Variants in MSRA observed in about 807,000 individuals in gnomAD.
MSRA encodes the protein methionine sulfoxide reductase A, also known as mitochondrial peptide methionine sulfoxide reductase.
In MSRA, 54 loss-of-function variants were observed where a neutral mutation model predicts 31.3. That is an observed-to-expected ratio of 1.73 (90% CI 1.39 to 2.17). The LOEUF (loss-of-function observed/expected upper bound fraction) is 2.17. MSRA is among the 30% of genes most tolerant of loss of function. The pLI is 0.00. For synonymous variants in MSRA, 169 were observed against 116.5 expected, an observed-to-expected ratio of 1.45 and a Z score of -2.90; for missense variants, 507 against 300.9, an observed-to-expected ratio of 1.69 and a Z score of -5.07.
intron 5 of MSRA, 45 bp downstream of exon 5, chr8:10,320,034 C>G (rs1801959933): frequency 7.6e-7 from 1 of 1,318,178 alleles, no homozygotes; most frequent in Non-Finnish European, 1.1e-6. Context: ...GCCACCATGA[C>G]TAGGGCCAGG....
chr8:10,111,138 G>A (rs745335083), intron 1 of MSRA, among the ~76,000 whole-genome samples: 25 of 152,074 alleles, frequency 1.6e-4, no homozygotes, highest in Non-Finnish European at 3.5e-4. Context: ...ATCCAGGGAC[G>A]GGGTGGATCA....
At chr8:10,182,887 A>G (rs1053778247) in intron 1 of MSRA, among the ~76,000 whole-genome samples, 1 of 152,184 alleles carries the variant, frequency 6.6e-6, no homozygotes, top group Non-Finnish European at 1.5e-5. Flanking sequence ...GTGAGAAGCA[A>G]GTTACTCAAG....
chr8:10,405,550 C>A (rs904227957), intron 5 of MSRA, among the ~76,000 whole-genome samples: 1 of 152,190 alleles, frequency 6.6e-6, no homozygotes, highest in Non-Finnish European at 1.5e-5. Flanking sequence ...CTGTCACTTT[C>A]CTTTCTCTGG....
chr8:10,293,503 G>C (rs142486770), intron 3 of MSRA, among the ~76,000 whole-genome samples: 1 of 152,212 alleles, frequency 6.6e-6, no homozygotes, highest in Non-Finnish European at 1.5e-5. Context: ...GCATCTCTGA[G>C]CATCTTAGCC....
chr8:10,405,092 C>T (rs1173320608), intron 5 of MSRA, among the ~76,000 whole-genome samples: 1 of 152,204 alleles, frequency 6.6e-6, no homozygotes, highest in African/African-American at 2.4e-5. Context: ...GCCACCGCTC[C>T]AGTGTCCATG....
chr8:10,210,610 A>T (rs17151349), intron 2 of MSRA, among the ~76,000 whole-genome samples: 1 of 152,242 alleles, frequency 6.6e-6, no homozygotes, highest in Non-Finnish European at 1.5e-5. Flanking sequence ...GCACAGGAGG[A>T]TGTCTTACAT....
At chr8:10,396,161 C>T (rs1369205737) in intron 5 of MSRA, among the ~76,000 whole-genome samples, 2 of 152,160 alleles carry the variant, frequency 1.3e-5, no homozygotes, top group Non-Finnish European at 2.9e-5. Flanking sequence ...GGCCACTTTC[C>T]GTGCTGCTGC....
intron 5 of MSRA, among the ~76,000 whole-genome samples, chr8:10,362,918 A>C (rs911576185): frequency 6.6e-6 from 1 of 151,732 alleles, no homozygotes; most frequent in Non-Finnish European, 1.5e-5. Context: ...AATACACTCA[A>C]CTGCTTAAAT....
At chr8:10,422,977 G>A (rs938123143) in intron 5 of MSRA, among the ~76,000 whole-genome samples, 16 of 152,216 alleles carry the variant, frequency 1.1e-4, no homozygotes, top group African/African-American at 3.9e-4. Context: ...AGGCCGGAGC[G>A]CCACTGCCCT....
At chr8:10,301,232 C>T (rs977385873) in intron 3 of MSRA, among the ~76,000 whole-genome samples, 2 of 152,150 alleles carry the variant, frequency 1.3e-5, no homozygotes, top group African/African-American at 4.8e-5. Flanking sequence ...ATAAGGTTTC[C>T]TGAGTGAGCT....
At chr8:10,160,693 C>T (rs1453270650) in intron 1 of MSRA, among the ~76,000 whole-genome samples, 3 of 152,050 alleles carry the variant, frequency 2.0e-5, no homozygotes, top group Non-Finnish European at 4.4e-5. Flanking sequence ...CCACACCTGG[C>T]TAATTTTTGT....
At chr8:10,217,815 C>G (rs1349270825) in intron 2 of MSRA, among the ~76,000 whole-genome samples, 1 of 152,136 alleles carries the variant, frequency 6.6e-6, no homozygotes, top group East Asian at 1.9e-4. Flanking sequence ...CCCCTGTTGC[C>G]TCATAAATGT....
intron 5 of MSRA, among the ~76,000 whole-genome samples, chr8:10,358,380 A>G (rs1263974691): frequency 6.6e-6 from 1 of 151,988 alleles, no homozygotes; most frequent in East Asian, 1.9e-4. Context: ...TAATCCCTCT[A>G]TTCTCTTGTT....
intron 1 of MSRA, among the ~76,000 whole-genome samples, chr8:10,131,536 C>G (rs1801897478): frequency 6.6e-6 from 1 of 152,202 alleles, no homozygotes; most frequent in Admixed American, 6.5e-5. Context: ...GGTGTACACT[C>G]CTGACCGTTG....
At chr8:10,356,491 C>A (rs1002381576) in intron 5 of MSRA, among the ~76,000 whole-genome samples, 1 of 152,190 alleles carries the variant, frequency 6.6e-6, no homozygotes, top group Non-Finnish European at 1.5e-5. Flanking sequence ...CATTTCTTTA[C>A]GGATTTGTCA....
At chr8:10,228,193 G>C (rs985619861) in intron 2 of MSRA, among the ~76,000 whole-genome samples, 2 of 152,088 alleles carry the variant, frequency 1.3e-5, no homozygotes, top group Non-Finnish European at 2.9e-5. Context: ...TCCACCTTCT[G>C]ATCAAGGACC....
chr8:10,428,481 G>A lies in MSRA; in HGVS notation c.*169G>A. The A allele has an allele frequency of 5.9e-6, 4 of 674,970 alleles. No homozygotes were observed. The highest frequency in any genetic ancestry group is 7.4e-6 in the Non-Finnish European group (3 of 408,044). The allele number at this position is 674,970 out of a possible 1,614,324, so 41.8% of individuals were successfully genotyped here. A position where few individuals can be genotyped will look rare whatever the true frequency, so the allele number is the denominator to read the frequency against. ...TCTATAGGAGGCGCGATGGCAAGTT[G>A]ATAAAATGTGACTTATCTCCTAATA... On this transcript the variant is annotated 3_prime_UTR_variant, in exon 6 of 6. Coordinates refer to ENST00000317173, the MANE Select transcript of MSRA (RefSeq NM_012331.5).
intron 3 of MSRA, among the ~76,000 whole-genome samples, chr8:10,269,386 T>C (rs1267442665): frequency 6.6e-6 from 1 of 152,212 alleles, no homozygotes; most frequent in African/African-American, 2.4e-5. Flanking sequence ...TATGTCATGA[T>C]ATATAGGCCT....
intron 1 of MSRA, among the ~76,000 whole-genome samples, chr8:10,083,896 C>A (rs758529630): frequency 2.6e-5 from 4 of 152,070 alleles, no homozygotes; most frequent in Non-Finnish European, 5.9e-5. Context: ...GAATTAGATC[C>A]CAGTCCTAAG....
Sources: allele counts gnomAD v4.1 joint callset (sites outside exome capture counted in the v4.1 genomes callset), GRCh38; gene constraint gnomAD v4.1.1; transcripts MANE v1.5; gene names NCBI Gene and HGNC (gene_info 2026-07-23, HGNC 2026-07-21).